Variants in AGPAT3 observed in about 807,000 individuals in gnomAD.
The protein encoded by AGPAT3 is 1-acylglycerol-3-phosphate O-acyltransferase 3.
AGPAT3 carries 5 observed loss-of-function variants against 47.3 expected under a neutral mutation model. That is an observed-to-expected ratio of 0.11 (90% CI 0.06 to 0.22). The LOEUF is 0.22. AGPAT3 is among the 10% of genes least tolerant of loss of function. The pLI, the probability that AGPAT3 is intolerant of heterozygous loss-of-function variation, is 1.00. For missense variants in AGPAT3, 315 were observed against 493.0 expected (o/e 0.64, Z 3.42); for synonymous variants, 212 against 208.3 (o/e 1.02, Z -0.15).
At chr21:43,903,679 G>A (rs8133803) in intron 1 of AGPAT3, among the ~76,000 whole-genome samples, 16,137 of 152,208 alleles carry the variant, frequency 0.11, 1,651 homozygotes, top group African/African-American at 0.27. Context: ...TTCCTGGGGC[G>A]TGACCTCTGG....
At chr21:43,949,934 G>A (rs1285916863) in intron 2 of AGPAT3, among the ~76,000 whole-genome samples, 3 of 152,156 alleles carry the variant, frequency 2.0e-5, no homozygotes, top group African/African-American at 7.2e-5. Context: ...CACTTGCGCT[G>A]GGCTGCAAAC....
At chr21:43,930,000 C>G (rs1008875190) in intron 2 of AGPAT3, among the ~76,000 whole-genome samples, 10 of 152,214 alleles carry the variant, frequency 6.6e-5, no homozygotes, top group Non-Finnish European at 8.8e-5. Context: ...CCAGGCGTGC[C>G]GGAGAGAGAG....
rs1468074398 is a variant in AGPAT3 at position 43,970,122 on chromosome 21, T to C, written c.511-531T>C. On this transcript the variant is annotated intron_variant, in intron 5 of 9. Coordinates refer to ENST00000291572, the MANE Select transcript of AGPAT3 (RefSeq NM_020132.5). This position sits in a 1 kb window ranked among gnomAD's most constrained non-coding sequence, Gnocchi z 5.8. ...CTCCCGGGTTCCAGCAGTTCTCCTC[T>C]CTCAGCCTCCAAGTTGCTGGGATTA... 2.0e-5 allele frequency among the ~76,000 whole-genome samples: 3 copies of C among 151,796 alleles called. No individual in the cohort carries two copies. Among genetic ancestry groups the C allele is most frequent in the African/African-American group, 7.3e-5 (3 of 41,258 alleles).
intron 2 of AGPAT3, among the ~76,000 whole-genome samples, chr21:43,942,469 G>A (rs2087692279): frequency 6.6e-6 from 1 of 152,226 alleles, no homozygotes; most frequent in African/African-American, 2.4e-5. Context: ...ACCTGGCGAC[G>A]GACAGCAGGG....
In AGPAT3 at chr21:43,950,530, A is replaced by G. The variant is rs114715548; in HGVS notation, c.-48-9104A>G. On this transcript the variant is annotated intron_variant, in intron 2 of 9. Coordinates refer to ENST00000291572, the MANE Select transcript of AGPAT3 (RefSeq NM_020132.5). ...CTTAGTAGTATCTTCGCTGCTTACCAGACTTCTCAGATAATGTGGTAACTG... is the reference window on the plus strand; with the variant it reads ...CTTAGTAGTATCTTCGCTGCTTACCGGACTTCTCAGATAATGTGGTAACTG... Among the ~76,000 whole-genome samples the G allele has an allele frequency of 3.5e-3, 536 of 152,366 alleles. 4 individuals are homozygous for G. The highest frequency in any genetic ancestry group is 0.012 in the African/African-American group (487 of 41,586).
intron 7 of AGPAT3, among the ~76,000 whole-genome samples, chr21:43,974,555 GGTGTGTGTGTA>G (rs1449645728): frequency 2.8e-5 from 4 of 145,136 alleles, no homozygotes; most frequent in African/African-American, 8.5e-5. Context: ...ATATGTGTGT[GGTGTGTGTGTA>G]GTGTGTGTAT....
chr21:43,878,980 A>G (rs561897111), intron 1 of AGPAT3, among the ~76,000 whole-genome samples: 33 of 151,986 alleles, frequency 2.2e-4, no homozygotes, highest in African/African-American at 7.5e-4. Context: ...GCCTCAAGCA[A>G]CCTGCCCACC....
chr21:43,939,911 G>A lies in AGPAT3; in HGVS notation c.-48-19723G>A, dbSNP rs764283373. Among the ~76,000 whole-genome samples the A allele has an allele frequency of 6.6e-6, 1 of 152,202 alleles. No homozygotes were observed. The highest frequency in any genetic ancestry group is 2.4e-5 in the African/African-American group (1 of 41,448). ...GCTCCTGGCCAAAAGCTGCTTATTG[G>A]ATTAGCCGGTGCCCCGACGGCAGAG... On this transcript the variant is annotated intron_variant, in intron 2 of 9. Transcript: ENST00000291572. The surrounding 1 kb of genome is among the most constrained non-coding windows in gnomAD (Gnocchi z 4.4).
chr21:43,899,999 G>A (rs370709795), intron 1 of AGPAT3, among the ~76,000 whole-genome samples: 4 of 152,300 alleles, frequency 2.6e-5, no homozygotes, highest in Non-Finnish European at 4.4e-5. Context: ...CTAGTTTAAC[G>A]TGGGCAGGCA....
Position 43,920,850 on chromosome 21 carries a change from G to A in AGPAT3, c.-49+16831G>A, listed in dbSNP as rs1213703256. On this transcript the variant is annotated intron_variant, in intron 2 of 9. Transcript: ENST00000291572. The surrounding 1 kb of genome is among the most constrained non-coding windows in gnomAD (Gnocchi z 6.1). ...TATAAAAACCAGTAAATGAGGCCAG[G>A]CGCGGTGGCTCACGCCTGTAATCCC... Among the ~76,000 whole-genome samples the A allele has an allele frequency of 6.6e-6, 1 of 151,336 alleles. No individual in the cohort carries two copies. The highest frequency in any genetic ancestry group is 1.5e-5 in the Non-Finnish European group (1 of 67,820).
At chr21:43,946,391 A>G (rs968779534) in intron 2 of AGPAT3, among the ~76,000 whole-genome samples, 3 of 152,128 alleles carry the variant, frequency 2.0e-5, no homozygotes, top group African/African-American at 7.2e-5. Context: ...CCTGAGGTCA[A>G]GAGTTCGAGA....
rs372444956 is a variant in AGPAT3 at position 43,967,930 on chromosome 21, C to T, written c.179-16C>T. ...GAGGGGTCCTACCAGTGCCAACGCC[C>T]TCCCCCTGTCCGCAGAACTGGTCAT... On this transcript the variant is annotated splice_polypyrimidine_tract_variant and intron_variant, in intron 3 of 9. Transcript: ENST00000291572. The T allele has an allele frequency of 2.5e-6, 4 of 1,611,894 alleles. No individual in the cohort carries two copies. The highest frequency in any genetic ancestry group is 2.7e-5 in the African/African-American group (2 of 74,866).
chr21:43,935,078 T>C (rs1258717763), intron 2 of AGPAT3, among the ~76,000 whole-genome samples: 1 of 152,164 alleles, frequency 6.6e-6, no homozygotes, highest in Non-Finnish European at 1.5e-5. Context: ...AGAACCAGTG[T>C]GGAGGCTGGA....
chr21:43,928,144 C>T (rs1270599852), intron 2 of AGPAT3, among the ~76,000 whole-genome samples: 1 of 152,192 alleles, frequency 6.6e-6, no homozygotes, highest in Non-Finnish European at 1.5e-5. Flanking sequence ...AAGCTGTGAT[C>T]CTTGCTGGAC....
At chr21:43,975,020 T>G (rs530170096) in intron 7 of AGPAT3, among the ~76,000 whole-genome samples, 1 of 152,266 alleles carries the variant, frequency 6.6e-6, no homozygotes, top group Admixed American at 6.5e-5. Flanking sequence ...TGTGCTGTTG[T>G]GTACTGGCGT....
intron 3 of AGPAT3, 152 bp from the exon 4 acceptor site, chr21:43,967,794 C>T: frequency 1.4e-6 from 1 of 721,282 alleles, no homozygotes; most frequent in Non-Finnish European, 2.2e-6. Flanking sequence ...ATTGTAATTT[C>T]ATAAAACGTA....
At chr21:43,891,150 A>G (rs6518334) in intron 1 of AGPAT3, among the ~76,000 whole-genome samples, 122,362 of 152,208 alleles carry the variant, frequency 0.8, 49,268 homozygotes, top group South Asian at 0.91. Context: ...ACGTGATGTC[A>G]TTTGATAGCA....
chr21:43,941,768 C>A (rs1426616743), intron 2 of AGPAT3, among the ~76,000 whole-genome samples: 2 of 152,252 alleles, frequency 1.3e-5, no homozygotes, highest in African/African-American at 4.8e-5. Context: ...GCAGCTTCCA[C>A]GGACCGTTCC....
At chr21:43,885,253 A>T (rs1374000331) in intron 1 of AGPAT3, among the ~76,000 whole-genome samples, 1 of 152,248 alleles carries the variant, frequency 6.6e-6, no homozygotes, top group East Asian at 1.9e-4. Context: ...TTCCCTGCAC[A>T]GCTGCTTTTG....
Sources: allele counts gnomAD v4.1 joint callset (sites outside exome capture counted in the v4.1 genomes callset), GRCh38; gene constraint gnomAD v4.1.1; non-coding constraint Gnocchi (gnomAD v3.1); transcripts MANE v1.5; gene names NCBI Gene and HGNC (gene_info 2026-07-23, HGNC 2026-07-21).